The following CGNL1 variants were observed in gnomAD, a reference collection of about 807,000 sequenced individuals.
CGNL1 encodes the protein cingulin-like protein 1.
In CGNL1, 132 loss-of-function variants were observed where a neutral mutation model predicts 141.2. That is an observed-to-expected ratio of 0.93 (90% CI 0.81 to 1.08). The LOEUF is 1.08. Among genes scored for constraint, CGNL1 ranks in the 50% least tolerant of loss-of-function variants. The probability of loss-of-function intolerance (pLI) is 0.00; values close to 1 mark genes in which losing one functional copy is unlikely to be tolerated. For synonymous variants in CGNL1, 690 were observed against 622.1 expected, an observed-to-expected ratio of 1.11 and a Z score of -1.63; for missense variants, 1,870 against 1,588.6, an observed-to-expected ratio of 1.18 and a Z score of -3.01.
intron 14 of CGNL1, among the ~76,000 whole-genome samples, chr15:57,542,526 A>C (rs935170930): frequency 2.6e-5 from 4 of 152,180 alleles, no homozygotes; most frequent in African/African-American, 9.7e-5. Flanking sequence ...CTACACAGCG[A>C]GGCTCCTTTC....
chr15:57,434,859 A>T (rs1353053500), intron 1 of CGNL1, among the ~76,000 whole-genome samples: 1 of 152,188 alleles, frequency 6.6e-6, no homozygotes, highest in Non-Finnish European at 1.5e-5. Context: ...TTTCCATAGG[A>T]CTTTTTCTTA....
At chr15:57,491,687 C>T (rs1251351346) in intron 8 of CGNL1, among the ~76,000 whole-genome samples, 5 of 152,154 alleles carry the variant, frequency 3.3e-5, no homozygotes, top group African/African-American at 4.8e-5. Flanking sequence ...GTAGGAAGAA[C>T]AGATGAATCT....
chr15:57,401,501 A>G (rs964973876), intron 1 of CGNL1, among the ~76,000 whole-genome samples: 2 of 152,166 alleles, frequency 1.3e-5, no homozygotes, highest in South Asian at 2.1e-4. Flanking sequence ...TGCCTAAGAC[A>G]TTTCCTTACC....
At chr15:57,524,264 G>A (rs4774953) in intron 11 of CGNL1, among the ~76,000 whole-genome samples, 111,091 of 152,188 alleles carry the variant, frequency 0.73, 40,591 homozygotes, top group Admixed American at 0.75. Flanking sequence ...ATATGATTTC[G>A]GTGTTTCCAG....
chr15:57,490,176 T>C (rs1050072754), intron 8 of CGNL1, among the ~76,000 whole-genome samples: 3 of 152,184 alleles, frequency 2.0e-5, no homozygotes, highest in Admixed American at 1.3e-4. Context: ...GCTGTGTTAC[T>C]CTGCTATTAA....
chr15:57,380,939 T>C (rs1214529307), intron 1 of CGNL1, among the ~76,000 whole-genome samples: 2 of 152,204 alleles, frequency 1.3e-5, no homozygotes, highest in Non-Finnish European at 2.9e-5. Context: ...GGTTTGTATC[T>C]ATGGCTCCTG....
At chr15:57,503,206 CA>C (rs2064050758) in intron 8 of CGNL1, among the ~76,000 whole-genome samples, 2 of 152,190 alleles carry the variant, frequency 1.3e-5, no homozygotes, top group African/African-American at 4.8e-5. Flanking sequence ...ATAGTTAGGT[CA>C]GTAGGAGCCT....
At chr15:57,404,591 G>A (rs1212707139) in intron 1 of CGNL1, among the ~76,000 whole-genome samples, 1 of 152,138 alleles carries the variant, frequency 6.6e-6, no homozygotes, top group Admixed American at 6.5e-5. Flanking sequence ...CAGCTACTTG[G>A]CTGTGGGTTC....
At chr15:57,381,398 A>G (rs1188032640) in intron 1 of CGNL1, among the ~76,000 whole-genome samples, 1 of 152,128 alleles carries the variant, frequency 6.6e-6, no homozygotes, top group African/African-American at 2.4e-5. Flanking sequence ...CGCCTCTACA[A>G]AAAAATACAG....
At chr15:57,486,081 G>A (rs540830019) in intron 8 of CGNL1, among the ~76,000 whole-genome samples, 228 of 152,248 alleles carry the variant, frequency 1.5e-3, no homozygotes, top group African/African-American at 5.1e-3. Flanking sequence ...AGCAGGGCCC[G>A]GGCTGACTCA....
intron 18 of CGNL1, among the ~76,000 whole-genome samples, chr15:57,546,840 C>T (rs866977337): frequency 3.3e-5 from 5 of 152,030 alleles, no homozygotes; most frequent in East Asian, 1.9e-4. Context: ...CTGGCTGTGA[C>T]GTGGGGCTCT....
intron 1 of CGNL1, among the ~76,000 whole-genome samples, chr15:57,416,938 T>C (rs1183858477): frequency 6.6e-6 from 1 of 152,156 alleles, no homozygotes; most frequent in Non-Finnish European, 1.5e-5. Context: ...AGCTGAACTC[T>C]GGAGTCATGA....
In CGNL1 at chr15:57,388,199, G is replaced by A. The variant is rs370591870; in HGVS notation, c.-16+11632G>A. Among the ~76,000 whole-genome samples, 43 of 152,278 alleles carry A rather than the reference G, an allele frequency of 2.8e-4. No individual in the cohort carries two copies. The South Asian group carries it at 8.1e-3, about 29-fold the overall frequency. ...CCTTAGGGTCTGAGAGCTGGAGGAG[G>A]CTCTACTTTTTTCTCTGATTCTGGA... On this transcript the variant is annotated intron_variant, in intron 1 of 18. Transcript: ENST00000281282.
chr15:57,407,078 T>C (rs2062731584), intron 1 of CGNL1: 1 of 152,220 alleles, frequency 6.6e-6, no homozygotes, highest in South Asian at 2.1e-4. Flanking sequence ...ACAGAAGTCC[T>C]GTCACTTGCC....
At chr15:57,392,992 A>C (rs1159252574) in intron 1 of CGNL1, among the ~76,000 whole-genome samples, 1 of 152,150 alleles carries the variant, frequency 6.6e-6, no homozygotes, top group Non-Finnish European at 1.5e-5. Flanking sequence ...TGGTGAGATG[A>C]AAGAATTATA....
intron 13 of CGNL1, among the ~76,000 whole-genome samples, chr15:57,530,260 C>T (rs1436288159): frequency 6.6e-6 from 1 of 152,210 alleles, no homozygotes; most frequent in African/African-American, 2.4e-5. Context: ...CTAAAGAGAT[C>T]GTTTCCTTTG....
Position 57,376,548 on chromosome 15 carries a change from G to T in CGNL1, c.-35G>T. The T allele has an allele frequency of 6.5e-6, 1 of 152,988 alleles. No individual in the cohort carries two copies. The highest frequency in any genetic ancestry group is 1.8e-4 in the South Asian group (1 of 5,492). The allele number at this position is 152,988 out of a possible 1,614,324, so 9.5% of individuals were successfully genotyped here. On this transcript the variant is annotated 5_prime_UTR_variant, in exon 1 of 19. Coordinates refer to ENST00000281282, the MANE Select transcript of CGNL1 (RefSeq NM_032866.5). ...GCTGGCTGCGGCGGGAGCTGGACGC[G>T]GGAGGAGGCGGCGGCGGCGGTGAGT...
chr15:57,506,460 G>T (rs145666046), intron 8 of CGNL1, among the ~76,000 whole-genome samples: 67 of 152,268 alleles, frequency 4.4e-4, no homozygotes, highest in African/African-American at 1.5e-3. Flanking sequence ...TTTTTCTAAG[G>T]AATGGTGTTA....
At chr15:57,377,630 A>G (rs2062379354) in intron 1 of CGNL1, among the ~76,000 whole-genome samples, 1 of 152,156 alleles carries the variant, frequency 6.6e-6, no homozygotes, top group Admixed American at 6.5e-5. Flanking sequence ...AACTTTAGAC[A>G]GTAGATGGTG....
Sources: allele counts gnomAD v4.1 joint callset (sites outside exome capture counted in the v4.1 genomes callset), GRCh38; gene constraint gnomAD v4.1.1; transcripts MANE v1.5; gene names NCBI Gene and HGNC (gene_info 2026-07-23, HGNC 2026-07-21).